RASGRF2: variants seen among roughly 807,000 people sequenced by gnomAD.
RASGRF2 encodes Ras protein specific guanine nucleotide releasing factor 2, also known as ras-specific guanine nucleotide-releasing factor 2.
Under a neutral mutation model 151.0 loss-of-function variants are expected in RASGRF2, and 76 were observed. The observed-to-expected ratio is 0.50, with a 90% CI of 0.42 to 0.61. The LOEUF (loss-of-function observed/expected upper bound fraction) is 0.61. RASGRF2 is among the 20% of genes least tolerant of loss of function. The pLI, the probability that RASGRF2 is intolerant of heterozygous loss-of-function variation, is 0.00. For synonymous variants in RASGRF2, 504 were observed against 566.5 expected, an observed-to-expected ratio of 0.89 and a Z score of 1.57; for missense variants, 1,148 against 1,564.6, an observed-to-expected ratio of 0.73 and a Z score of 4.49.
chr5:81,069,265 T>C (rs1751704075), intron 3 of RASGRF2, among the ~76,000 whole-genome samples: 1 of 152,230 alleles, frequency 6.6e-6, no homozygotes, highest in Admixed American at 6.5e-5. Context: ...GCTTCTCTGA[T>C]GATGACAACT....
chr5:81,109,602 G>A (rs1303742630), intron 13 of RASGRF2, among the ~76,000 whole-genome samples: 1 of 152,138 alleles, frequency 6.6e-6, no homozygotes, highest in Non-Finnish European at 1.5e-5. Flanking sequence ...GGAGGCAGAG[G>A]TTGCAGTGAG....
intron 5 of RASGRF2, among the ~76,000 whole-genome samples, chr5:81,074,187 C>T (rs773591754): frequency 6.6e-6 from 1 of 152,040 alleles, no homozygotes; most frequent in Non-Finnish European, 1.5e-5. Context: ...GCTGAGGATT[C>T]ATCAGTGAAA....
intron 17 of RASGRF2, among the ~76,000 whole-genome samples, chr5:81,156,589 A>T (rs1754264726): frequency 6.6e-6 from 1 of 152,244 alleles, no homozygotes; most frequent in Admixed American, 6.5e-5. Flanking sequence ...TAAATGATAA[A>T]AACCGTATGA....
chr5:81,219,913 G>A, intron 26 of RASGRF2, 135 bp downstream of exon 26: 1 of 536,262 alleles, frequency 1.9e-6, no homozygotes, highest in Non-Finnish European at 3.1e-6. Context: ...AAAATCTTTG[G>A]CTAGTCTGAT....
chr5:81,113,994 A>T, intron 15 of RASGRF2, 74 bp downstream of exon 15: 1 of 1,490,754 alleles, frequency 6.7e-7, no homozygotes, highest in East Asian at 2.3e-5. Flanking sequence ...TCCTTTTGGA[A>T]CACTGGTTCC....
chr5:80,974,776 G>A (rs1748056450), intron 1 of RASGRF2, among the ~76,000 whole-genome samples: 1 of 152,164 alleles, frequency 6.6e-6, no homozygotes, highest in South Asian at 2.1e-4. Flanking sequence ...CTCTGTGGCA[G>A]CAAACTAATA....
chr5:81,225,542 C>G, intron 26 of RASGRF2, 136 bp from the exon 27 acceptor site: 1 of 839,472 alleles, frequency 1.2e-6, no homozygotes, highest in Non-Finnish European at 1.6e-6. Context: ...ACAATGGAAA[C>G]ATATTTATGA....
chr5:81,076,515 T>C (rs1223860619), intron 5 of RASGRF2, among the ~76,000 whole-genome samples: 1 of 141,536 alleles, frequency 7.1e-6, no homozygotes, highest in Non-Finnish European at 1.5e-5. Flanking sequence ...GGAATAGTGA[T>C]AACTAGGGCA....
At chr5:81,113,367 C>A (rs1357061947) in intron 14 of RASGRF2, 171 bp from the exon 15 acceptor site, 22 of 760,352 alleles carry the variant, frequency 2.9e-5, no homozygotes, top group Non-Finnish European at 4.6e-5. Context: ...AGTGTCTGTG[C>A]TTCTTTGGCA....
intron 18 of RASGRF2, among the ~76,000 whole-genome samples, chr5:81,198,261 C>T (rs1480413191): frequency 6.6e-6 from 1 of 152,004 alleles, no homozygotes; most frequent in East Asian, 1.9e-4. Context: ...AGCCCTTGCC[C>T]CCACCTCCCT....
At chr5:81,131,661 T>C (rs1210507013) in intron 17 of RASGRF2, among the ~76,000 whole-genome samples, 1 of 150,864 alleles carries the variant, frequency 6.6e-6, no homozygotes, top group African/African-American at 2.5e-5. Flanking sequence ...GGCCTCAATC[T>C]CTTTTTCTTC....
intron 17 of RASGRF2, among the ~76,000 whole-genome samples, chr5:81,149,513 T>A (rs1334606430): frequency 6.6e-6 from 1 of 152,124 alleles, no homozygotes; most frequent in South Asian, 2.1e-4. Context: ...AAAGGCTATA[T>A]ATTGGGTACA....
intron 17 of RASGRF2, among the ~76,000 whole-genome samples, chr5:81,134,881 GT>G (rs546218696): frequency 2.3e-3 from 350 of 151,950 alleles, no homozygotes; most frequent in African/African-American, 8.1e-3. Flanking sequence ...GTTGCCTAGA[GT>G]TCTGCATCAT....
chr5:81,144,612 T>A (rs1403235706), intron 17 of RASGRF2, among the ~76,000 whole-genome samples: 2 of 152,238 alleles, frequency 1.3e-5, no homozygotes, highest in Non-Finnish European at 2.9e-5. Context: ...CAGATGGGCA[T>A]TTCTGTATAT....
chr5:81,086,543 A>T (rs1474429187), intron 8 of RASGRF2, among the ~76,000 whole-genome samples: 1 of 152,122 alleles, frequency 6.6e-6, no homozygotes, highest in Non-Finnish European at 1.5e-5. Flanking sequence ...AATCTCAATG[A>T]CGGGAACTGG....
intron 9 of RASGRF2, among the ~76,000 whole-genome samples, chr5:81,089,014 C>T (rs1464308914): frequency 2.0e-5 from 3 of 152,074 alleles, no homozygotes; most frequent in African/African-American, 7.2e-5. Context: ...TATTTTTCTG[C>T]ATGTGTGGTT....
At position 81,207,356 on chromosome 5, in the gene RASGRF2, G is replaced by A. The variant is rs767070598; in HGVS notation, c.3071+7G>A. 25 of 1,609,846 alleles carry A rather than the reference G, an allele frequency of 1.6e-5. No individual in the cohort carries two copies. The highest frequency in any genetic ancestry group is 3.3e-4 in the Middle Eastern group (2 of 6,074). On this transcript the variant is annotated splice_region_variant and intron_variant, in intron 21 of 26. Coordinates refer to ENST00000265080, the MANE Select transcript of RASGRF2 (RefSeq NM_006909.3). ...TCAGAAGCATTCCCTACGAGTGAGT[G>A]CCACCCCCCACAGCAGCAGGGCTCG...
At chr5:81,023,051 G>T (rs964573304) in intron 1 of RASGRF2, among the ~76,000 whole-genome samples, 1 of 128,038 alleles carries the variant, frequency 7.8e-6, no homozygotes, top group Non-Finnish European at 1.6e-5. Context: ...TGAGAGAAAA[G>T]ACAAGAGAAG....
chr5:81,003,560 C>T (rs2112296345), intron 1 of RASGRF2, among the ~76,000 whole-genome samples: 1 of 152,220 alleles, frequency 6.6e-6, no homozygotes, highest in African/African-American at 2.4e-5. Flanking sequence ...TGGAGTTTTG[C>T]CATGTTGGCC....
Sources: allele counts gnomAD v4.1 joint callset (sites outside exome capture counted in the v4.1 genomes callset), GRCh38; gene constraint gnomAD v4.1.1; transcripts MANE v1.5; gene names NCBI Gene and HGNC (gene_info 2026-07-23, HGNC 2026-07-21).